FHIP1B: variants seen among roughly 807,000 people sequenced by gnomAD.
FHIP1B encodes the protein FHF complex subunit HOOK-interacting protein 1B.
FHIP1B carries 28 observed loss-of-function variants against 82.2 expected under a neutral mutation model. That is an observed-to-expected ratio of 0.34 (90% confidence interval 0.25 to 0.47). The LOEUF (loss-of-function observed/expected upper bound fraction) is 0.47, where lower values mean the gene tolerates loss of function less well. FHIP1B is among the 20% of genes least tolerant of loss of function. The pLI is 1.00. For missense variants in FHIP1B, 1,110 were observed against 1,262.6 expected (o/e 0.88, Z 1.83); for synonymous variants, 585 against 516.1 (o/e 1.13, Z -1.81).
chr11:6,232,062 A>C (rs887781465), intron 1 of FHIP1B, among the ~76,000 whole-genome samples: 2 of 152,222 alleles, frequency 1.3e-5, no homozygotes, highest in South Asian at 4.1e-4. Flanking sequence ...TAAATGATTA[A>C]CACAGTACCC....
chr11:6,223,142 G>C lies in FHIP1B; in HGVS notation c.874C>G (p.Leu292Val), dbSNP rs758188782. 1.2e-6 allele frequency: 2 copies of C among 1,607,250 alleles called. No individual in the cohort carries two copies. The highest frequency in any genetic ancestry group is 1.7e-6 in the Non-Finnish European group (2 of 1,178,292). ...DWHCLRREDW[L>V]GVPALALFMS... ...AAGAGTGCAAGGGCTGGCACTCCCAGCCAGTCTTCCCGTCGCAGACAGTGC... is the reference window on the plus strand; with the variant it reads ...AAGAGTGCAAGGGCTGGCACTCCCACCCAGTCTTCCCGTCGCAGACAGTGC... Residue 292 changes from leucine (L) to valine (V), a missense_variant, in exon 4 of 12, where the codon CTG becomes GTG. Physicochemically the swap from Leu to Val is conservative, Grantham distance 32. Transcript: ENST00000449352. This position sits in a 1 kb window ranked among gnomAD's most constrained non-coding sequence, Gnocchi z 4.8.
rs1353855966 is a variant in FHIP1B at position 6,218,042 on chromosome 11, T to A, written c.1544A>T (p.Glu515Val). Reference sequence around the variant, plus strand: ...TGAGCAAGGGGCTGGGCCTGGAGACTCAGAGCCACCCAGGCTCTGCTGCCG... The same window carrying A: ...TGAGCAAGGGGCTGGGCCTGGAGACACAGAGCCACCCAGGCTCTGCTGCCG... ...FLRQQSLGGS[E>V]SPGPAPCSPG... The change falls in exon 9 of 12, where the codon GAG becomes GTG. Residue 515 changes from glutamate (E) to valine (V), a missense_variant. This residue lies in a region of FHIP1B where 418 missense variants were observed against 371.4 expected (regional missense o/e 1.13). Coordinates refer to ENST00000449352, the MANE Select transcript of FHIP1B (RefSeq NM_001098794.2). 6.2e-7 allele frequency: 1 copy of A among 1,613,434 alleles called. No individual in the cohort carries two copies.
chr11:6,232,793 T>C (rs1387814668), intron 1 of FHIP1B, among the ~76,000 whole-genome samples: 3 of 152,170 alleles, frequency 2.0e-5, no homozygotes, highest in Non-Finnish European at 4.4e-5. Flanking sequence ...CATAAAGCTA[T>C]AGAAATAATT....
At chr11:6,222,413 G>GT in intron 6 of FHIP1B, 29 bp downstream of exon 6, 2 of 1,611,568 alleles carry the variant, frequency 1.2e-6, no homozygotes, top group Non-Finnish European at 1.7e-6. Flanking sequence ...GGTCATCCAG[G>GT]TAAGCTAGGA....
chr11:6,220,045 A>G (rs1335452065), intron 6 of FHIP1B, among the ~76,000 whole-genome samples: 3 of 152,234 alleles, frequency 2.0e-5, no homozygotes, highest in Non-Finnish European at 4.4e-5. Flanking sequence ...TGGTCCCTCA[A>G]AGATGCTCAC....
intron 4 of FHIP1B, 27 bp from the exon 5 acceptor site, chr11:6,222,924 A>AGGG (rs1410112455): frequency 6.2e-7 from 1 of 1,606,150 alleles, no homozygotes; most frequent in Non-Finnish European, 8.5e-7. Flanking sequence ...GAGAAGGGGG[A>AGGG]GGGTTATGAG....
intron 1 of FHIP1B, among the ~76,000 whole-genome samples, chr11:6,228,702 G>C (rs1158749925): frequency 3.3e-5 from 5 of 152,190 alleles, no homozygotes; most frequent in Admixed American, 6.5e-5. Context: ...AAGAATGGGG[G>C]TGAGAGAGAA....
intron 1 of FHIP1B, among the ~76,000 whole-genome samples, chr11:6,225,067 G>T (rs571519030): frequency 8.5e-4 from 130 of 152,218 alleles, no homozygotes; most frequent in African/African-American, 2.8e-3. Flanking sequence ...TGGTCTCCAT[G>T]ATTCCTTTAC....
chr11:6,220,202 T>C (rs1847368533), intron 6 of FHIP1B, among the ~76,000 whole-genome samples: 1 of 152,202 alleles, frequency 6.6e-6, no homozygotes, highest in Non-Finnish European at 1.5e-5. Flanking sequence ...AGGGGGGCCA[T>C]GAGCCAAGGA....
In FHIP1B at chr11:6,223,327, T is replaced by A; in HGVS notation, c.778-89A>T. ...GGGAGCTAGTAATCCAGAGTTTTGA[T>A]GGGAATAGGGGTATAAGCTATTACC... On this transcript the variant is annotated intron_variant, in intron 3 of 11. Coordinates refer to ENST00000449352, the MANE Select transcript of FHIP1B (RefSeq NM_001098794.2). The surrounding 1 kb of genome is among the most constrained non-coding windows in gnomAD (Gnocchi z 4.8). 7.3e-7 allele frequency: 1 copy of A among 1,366,026 alleles called. No individual in the cohort carries two copies. The highest frequency in any genetic ancestry group is 1.0e-6 in the Non-Finnish European group (1 of 997,844). The allele number at this position is 1,366,026 out of a possible 1,614,324, so 84.6% of individuals were successfully genotyped here.
chr11:6,211,997 A>C, intron 11 of FHIP1B, 130 bp from the exon 12 acceptor site: 1 of 1,418,044 alleles, frequency 7.1e-7, no homozygotes, highest in Admixed American at 2.7e-5. Context: ...GGAAAAAAGG[A>C]CAAAATGGAC....
chr11:6,230,471 C>T (rs982572388), intron 1 of FHIP1B, among the ~76,000 whole-genome samples: 1 of 152,202 alleles, frequency 6.6e-6, no homozygotes, highest in Non-Finnish European at 1.5e-5. Context: ...ACCAAAAACA[C>T]CACCTACTAG....
At chr11:6,231,648 G>A (rs1213538247) in intron 1 of FHIP1B, among the ~76,000 whole-genome samples, 2 of 151,392 alleles carry the variant, frequency 1.3e-5, no homozygotes, top group East Asian at 1.9e-4. Context: ...TTTTTGGTGG[G>A]TTTTTTTGGT....
In FHIP1B at chr11:6,214,851, A is replaced by G. The variant is rs749547655; in HGVS notation, c.2276T>C (p.Val759Ala). The change falls in exon 10 of 12, where the codon GTC (valine) becomes GCC (alanine). Residue 759 changes from valine to alanine, a missense_variant. Around this residue, in one of 6 missense-constraint regions of FHIP1B, gnomAD observed 39 missense variants for 79.6 expected, o/e 0.49. Transcript: ENST00000449352. Reference protein sequence around the residue: ...LENMLQNSVYVNFLLTGLVAQ... With the variant: ...LENMLQNSVYANFLLTGLVAQ... ...CACCAGCCCCGTCAGCAGGAAGTTGACATAGACGGAGTTCTGCAGCATGTT... is the reference window on the plus strand; with the variant it reads ...CACCAGCCCCGTCAGCAGGAAGTTGGCATAGACGGAGTTCTGCAGCATGTT... The G allele has an allele frequency of 6.2e-7, 1 of 1,611,950 alleles. No homozygotes were observed. The highest frequency in any genetic ancestry group is 1.7e-5 in the Admixed American group (1 of 59,712).
At position 6,214,920 on chromosome 11, in the gene FHIP1B, G is replaced by A. The variant is rs375354145; in HGVS notation, c.2216-9C>T. On this transcript the variant is annotated splice_polypyrimidine_tract_variant and intron_variant, in intron 9 of 11. Transcript: ENST00000449352. ...CACAGCCATGAAGGGGCCTGGGTTGGGGGGGAGGTGGGCACAAGGATACAA... is the reference window on the plus strand; with the variant it reads ...CACAGCCATGAAGGGGCCTGGGTTGAGGGGGAGGTGGGCACAAGGATACAA... 17 of 1,541,422 alleles carry A rather than the reference G, an allele frequency of 1.1e-5. No individual in the cohort carries two copies. In the East Asian group the frequency reaches 3.2e-4, roughly 29 times the overall value.
At chr11:6,232,823 T>C (rs547894162) in intron 1 of FHIP1B, among the ~76,000 whole-genome samples, 82 of 152,286 alleles carry the variant, frequency 5.4e-4, no homozygotes, top group African/African-American at 1.9e-3. Context: ...AAAAATTGGG[T>C]TGACACTTTT....
At position 6,218,105 on chromosome 11, in the gene FHIP1B, G is replaced by A; in HGVS notation, c.1481C>T (p.Pro494Leu). The change falls in exon 9 of 12, where the codon CCC becomes CTC. Residue 494 changes from proline to leucine, a missense_variant. Pro to Leu is a moderately conservative substitution (Grantham distance 98). Transcript: ENST00000449352. Reference protein sequence around the residue: ...SVDSSSVTTVPRPSTPSRLAL... With the variant: ...SVDSSSVTTVLRPSTPSRLAL... Reference sequence around the variant, plus strand: ...CAGACGAGATGGTGTGGAGGGCCGGGGTACTGTCGTCACAGAAGAGGAGTC... The same window carrying A: ...CAGACGAGATGGTGTGGAGGGCCGGAGTACTGTCGTCACAGAAGAGGAGTC... 1 of 1,613,460 alleles carries A rather than the reference G, an allele frequency of 6.2e-7. No homozygotes were observed. Among genetic ancestry groups the A allele is most frequent in the Non-Finnish European group, 8.5e-7 (1 of 1,179,678 alleles).
chr11:6,214,898 A>G lies in FHIP1B; in HGVS notation c.2229T>C (p.Ala743=), dbSNP rs772916319. Residue 743 remains alanine, a synonymous_variant, in exon 10 of 12, where the codon GCT becomes GCC. Transcript: ENST00000449352. ...TGTTCTCGAGTTTGGCAAAGAGCAC[A>G]GCCATGAAGGGGCCTGGGTTGGGGG... The part of the protein sequence containing the change: ...PSQPFTGPFM[A]VLFAKLENML... 2 of 1,585,798 alleles carry G rather than the reference A, an allele frequency of 1.3e-6. No homozygotes were observed. Among genetic ancestry groups the G allele is most frequent in the Non-Finnish European group, 1.7e-6 (2 of 1,163,702 alleles).
Position 6,211,520 on chromosome 11 carries a change from G to A in FHIP1B, c.2905C>T (p.Pro969Ser), listed in dbSNP as rs546272121. ...ATGGAAGAAAGTTAAGGATTGAGGGGCCCACAGCCTGAGATGAGAGGGCCA... is the reference window on the plus strand; with the variant it reads ...ATGGAAGAAAGTTAAGGATTGAGGGACCCACAGCCTGAGATGAGAGGGCCA... ...GSGPLISGCG[P>S]LNP is the part of the protein sequence containing the mutation. Residue 969 changes from proline to serine, a missense_variant, in exon 12 of 12, where the codon CCC becomes TCC. By Grantham distance (74) the Pro-to-Ser change is moderately conservative (BLOSUM62 -1). This residue lies in a region of FHIP1B where 29 missense variants were observed against 21.5 expected (regional missense o/e 1.35). Coordinates refer to ENST00000449352, the MANE Select transcript of FHIP1B (RefSeq NM_001098794.2). 5 of 1,600,396 alleles carry A rather than the reference G, an allele frequency of 3.1e-6. No homozygotes were observed. The highest frequency in any genetic ancestry group is 2.2e-5 in the East Asian group (1 of 44,796).
Sources: gnomAD v4.1 joint callset for allele counts (sites outside exome capture counted in the v4.1 genomes callset) on GRCh38, gnomAD v4.1.1 for gene constraint, gnomAD v4.1.1 regional missense constraint, Gnocchi (gnomAD v3.1) non-coding constraint, MANE v1.5 for transcripts, NCBI Gene and HGNC (gene_info 2026-07-23, HGNC 2026-07-21) for gene names.